IPO7: variants seen among roughly 807,000 people sequenced by gnomAD.
IPO7 encodes the protein importin 7.
IPO7 carries 13 observed loss-of-function variants against 136.4 expected under a neutral mutation model. The ratio of observed to expected loss-of-function variants is 0.10; its 90% CI spans 0.06 to 0.15. The LOEUF (loss-of-function observed/expected upper bound fraction) is 0.15. IPO7 is among the 10% of genes least tolerant of loss of function. The pLI, the probability that IPO7 is intolerant of heterozygous loss-of-function variation, is 1.00. For synonymous variants in IPO7, 403 were observed against 404.4 expected (o/e 1.00, Z 0.04); for missense variants, 857 against 1,240.6 (o/e 0.69, Z 4.65).
Position 9,443,918 on chromosome 11 carries a change from C to T in IPO7, c.3020-1179C>T, listed in dbSNP as rs145203366. Among the ~76,000 whole-genome samples, 181 of 150,960 alleles carry T rather than the reference C, an allele frequency of 1.2e-3. 1 individual carries two copies. The highest frequency in any genetic ancestry group is 3.5e-3 in the Middle Eastern group (1 of 288). On this transcript the variant is annotated intron_variant, in intron 24 of 24. Transcript: ENST00000379719. ...CCGTCTCCAAAAATGTAAAAACTTA[C>T]GAAGTTAAATAGCTCCCAGACATAT...
At chr11:9,403,987 G>C (rs1387661598) in intron 2 of IPO7, among the ~76,000 whole-genome samples, 2 of 152,064 alleles carry the variant, frequency 1.3e-5, no homozygotes, top group Non-Finnish European at 2.9e-5. Context: ...TTAGCCTCCT[G>C]AGTAGCTGGG....
At chr11:9,432,376 A>G (rs768432945) in intron 16 of IPO7, among the ~76,000 whole-genome samples, 2 of 151,692 alleles carry the variant, frequency 1.3e-5, no homozygotes, top group African/African-American at 2.4e-5. Flanking sequence ...TAATTTTTCT[A>G]TTTTTAGTAG....
chr11:9,413,949 C>A (rs1855003687), intron 4 of IPO7, among the ~76,000 whole-genome samples: 2 of 151,790 alleles, frequency 1.3e-5, no homozygotes, highest in Admixed American at 1.3e-4. Flanking sequence ...TCATGCCTAA[C>A]TATGTAATAC....
intron 2 of IPO7, among the ~76,000 whole-genome samples, chr11:9,403,941 A>G (rs1304926597): frequency 1.3e-5 from 2 of 152,100 alleles, no homozygotes; most frequent in Non-Finnish European, 2.9e-5. Flanking sequence ...GGCTCTCTGC[A>G]ACCTCTGCCT....
chr11:9,389,577 G>T (rs1854599693), intron 1 of IPO7, among the ~76,000 whole-genome samples: 1 of 152,120 alleles, frequency 6.6e-6, no homozygotes, highest in Non-Finnish European at 1.5e-5. Context: ...GTAAGTTTTG[G>T]ATGACGAAAC....
chr11:9,396,715 T>C (rs1474073325), intron 1 of IPO7, among the ~76,000 whole-genome samples: 1 of 152,222 alleles, frequency 6.6e-6, no homozygotes, highest in Admixed American at 6.5e-5. Flanking sequence ...TACAGTATTG[T>C]TTTCAAAGTT....
At chr11:9,408,736 G>GTTT (rs1854925789) in intron 3 of IPO7, 97 bp downstream of exon 3, 1 of 648,956 alleles carries the variant, frequency 1.5e-6, no homozygotes. Context: ...TTTTTGAGAT[G>GTTT]GACTTTCCCT....
At chr11:9,420,786 A>G in intron 8 of IPO7, 88 bp downstream of exon 8, 1 of 896,312 alleles carries the variant, frequency 1.1e-6, no homozygotes, top group South Asian at 1.5e-5. Flanking sequence ...TTTGACATCT[A>G]AAGAGTGCCT....
At chr11:9,414,851 C>G (rs577688557) in intron 5 of IPO7, among the ~76,000 whole-genome samples, 3 of 151,774 alleles carry the variant, frequency 2.0e-5, no homozygotes, top group Non-Finnish European at 4.4e-5. Flanking sequence ...GTCTCGAACT[C>G]CTGACCTCGT....
intron 23 of IPO7, among the ~76,000 whole-genome samples, chr11:9,441,384 A>G (rs1447436833): frequency 6.6e-6 from 1 of 152,226 alleles, no homozygotes; most frequent in Non-Finnish European, 1.5e-5. Flanking sequence ...CATCCACGTT[A>G]AGAAATTAAA....
chr11:9,425,985 G>T (rs1855200679), intron 12 of IPO7, among the ~76,000 whole-genome samples: 1 of 152,020 alleles, frequency 6.6e-6, no homozygotes, highest in Admixed American at 6.6e-5. Context: ...GGCGGAGGCT[G>T]CAGTGAGCCG....
intron 4 of IPO7, among the ~76,000 whole-genome samples, chr11:9,411,138 A>G (rs1854962736): frequency 6.6e-6 from 1 of 152,180 alleles, no homozygotes; most frequent in South Asian, 2.1e-4. Context: ...TGTCAATATC[A>G]TTGAGGAGGT....
chr11:9,385,626 C>T (rs1192104130), intron 1 of IPO7, among the ~76,000 whole-genome samples: 1 of 152,154 alleles, frequency 6.6e-6, no homozygotes, highest in Non-Finnish European at 1.5e-5. Context: ...TAAAATTACG[C>T]CACAGAGTTG....
chr11:9,408,654 A>T lies in IPO7; in HGVS notation c.320+15A>T. ...GAGCTCATCAGGTATGTATTTTTAA[A>T]ATTTACCCATTTCTGCAGGTGTGTA... On this transcript the variant is annotated intron_variant, in intron 3 of 24. Transcript: ENST00000379719. 6.6e-7 allele frequency: 1 copy of T among 1,518,958 alleles called. No individual in the cohort carries two copies. Among genetic ancestry groups the T allele is most frequent in the Non-Finnish European group, 8.8e-7 (1 of 1,135,022 alleles). 94.1% of individuals were successfully genotyped at this position (1,518,958 alleles called of 1,614,324 possible). A position where few individuals can be genotyped will look rare whatever the true frequency, so the allele number is the denominator to read the frequency against.
At chr11:9,423,686 T>C (rs1389879229) in intron 9 of IPO7, 91 bp from the exon 10 acceptor site, 1 of 735,920 alleles carries the variant, frequency 1.4e-6, no homozygotes, top group Non-Finnish European at 2.3e-6. Context: ...AAAATACATA[T>C]AGTGTTACTT....
chr11:9,446,950 C>T lies in IPO7; in HGVS notation c.*1756C>T, dbSNP rs1855537852. The stretch of plus-strand genomic sequence containing the variant: ...TTAATCAAGTGTTTCTACTCCCCCC[C>T]GAAAATCCCCTGAAAGTTGGACACC... On this transcript the variant is annotated 3_prime_UTR_variant, in exon 25 of 25. Transcript: ENST00000379719. The T allele has an allele frequency of 2.0e-5, 3 of 152,048 alleles. No individual in the cohort carries two copies. The highest frequency in any genetic ancestry group is 7.2e-5 in the African/African-American group (3 of 41,394). The allele number at this position is 152,048 out of a possible 1,614,324, so 9.4% of individuals were successfully genotyped here. A position where few individuals can be genotyped will look rare whatever the true frequency, so the allele number is the denominator to read the frequency against.
chr11:9,384,695 G>A lies in IPO7; in HGVS notation c.-69G>A. 1.5e-6 allele frequency: 2 copies of A among 1,319,454 alleles called. No individual in the cohort carries two copies. Among genetic ancestry groups the A allele is most frequent in the Non-Finnish European group, 2.1e-6 (2 of 950,610 alleles). The allele number at this position is 1,319,454 out of a possible 1,614,324, so 81.7% of individuals were successfully genotyped here. A position where few individuals can be genotyped will look rare whatever the true frequency, so the allele number is the denominator to read the frequency against. ...GCTGCGGAGCGCGGCGGGTCCATGT[G>A]CGCAGTGAGTGGCGCTATTCCTGGC... On this transcript the variant is annotated 5_prime_UTR_variant, in exon 1 of 25. Coordinates refer to ENST00000379719, the MANE Select transcript of IPO7 (RefSeq NM_006391.3).
In IPO7 at chr11:9,396,066, A is replaced by G. The variant is rs191261408; in HGVS notation, c.85-7224A>G. Among the ~76,000 whole-genome samples the G allele has an allele frequency of 2.6e-3, 396 of 151,884 alleles. 1 individual carries two copies. The highest frequency in any genetic ancestry group is 9.2e-3 in the African/African-American group (382 of 41,426). On this transcript the variant is annotated intron_variant, in intron 1 of 24. Coordinates refer to ENST00000379719, the MANE Select transcript of IPO7 (RefSeq NM_006391.3). ...CATCCATTGCACTTTTAAAATTTAT[A>G]CTTATATGTTTTTGAAGGTAATAAG...
intron 24 of IPO7, among the ~76,000 whole-genome samples, chr11:9,442,847 A>G (rs1590456704): frequency 6.6e-6 from 1 of 151,696 alleles, no homozygotes; most frequent in African/African-American, 2.4e-5. Flanking sequence ...ACATGACCAA[A>G]CTCTGTCTCT....
Sources: allele counts gnomAD v4.1 joint callset (sites outside exome capture counted in the v4.1 genomes callset), GRCh38; gene constraint gnomAD v4.1.1; transcripts MANE v1.5; gene names NCBI Gene and HGNC (gene_info 2026-07-23, HGNC 2026-07-21).